Variants in CNTNAP5 observed in about 807,000 individuals in gnomAD.
CNTNAP5 encodes contactin-associated protein-like 5.
In CNTNAP5, 72 loss-of-function variants were observed where a neutral mutation model predicts 150.2. The observed-to-expected ratio is 0.48, with a 90% CI of 0.40 to 0.58. The LOEUF (loss-of-function observed/expected upper bound fraction) is 0.58, where lower values mean the gene tolerates loss of function less well. Among genes scored for constraint, CNTNAP5 ranks in the 20% least tolerant of loss-of-function variants. CNTNAP5 has a pLI of 0.00. For synonymous variants in CNTNAP5, 672 were observed against 619.8 expected, an observed-to-expected ratio of 1.08 and a Z score of -1.25; for missense variants, 1,636 against 1,626.2, an observed-to-expected ratio of 1.01 and a Z score of -0.10.
At position 124,198,865 on chromosome 2, in the gene CNTNAP5, CTTT is replaced by C. The variant is rs56176605; in HGVS notation, c.83-22828_83-22826del. On this transcript the variant is annotated intron_variant, in intron 1 of 23. Transcript: ENST00000682447. ...TGCCAGATTTCTTGCCACATGATTT[CTTT>C]TTTTTTTTTTTCCATTAACTGTAAA... Among the ~76,000 whole-genome samples the C allele has an allele frequency of 8.3e-3, 1,154 of 139,246 alleles. 15 individuals are homozygous for C. Among genetic ancestry groups the C allele is most frequent in the African/African-American group, 0.028 (1,066 of 37,828 alleles). 91.4% of individuals were successfully genotyped at this position (139,246 alleles called of 152,430 possible). A position where few individuals can be genotyped will look rare whatever the true frequency, so the allele number is the denominator to read the frequency against.
intron 10 of CNTNAP5, among the ~76,000 whole-genome samples, chr2:124,556,494 A>G (rs1327572783): frequency 6.6e-6 from 1 of 152,208 alleles, no homozygotes; most frequent in East Asian, 1.9e-4. Context: ...AGGTTATTGT[A>G]TTTTAAAATA....
In CNTNAP5 at chr2:124,045,756, G is replaced by T. The variant is rs114902324; in HGVS notation, c.82+20024G>T. ...AGTTTTTAGACAATCTCTATTACTG[G>T]CTTTATGTGTTGGGGAAGAAGGTAG... On this transcript the variant is annotated intron_variant, in intron 1 of 23. Transcript: ENST00000682447. Among the ~76,000 whole-genome samples, 371 of 152,044 alleles carry T rather than the reference G, an allele frequency of 2.4e-3. 1 individual carries two copies. The highest frequency in any genetic ancestry group is 8.4e-3 in the African/African-American group (348 of 41,460).
intron 21 of CNTNAP5, among the ~76,000 whole-genome samples, chr2:124,873,780 T>C (rs1677798719): frequency 6.6e-6 from 1 of 152,098 alleles, no homozygotes; most frequent in Admixed American, 6.6e-5. Context: ...TGTAGGACAT[T>C]TCCAACTGTA....
chr2:124,322,386 C>A (rs1261740448), intron 3 of CNTNAP5, among the ~76,000 whole-genome samples: 1 of 152,022 alleles, frequency 6.6e-6, no homozygotes, highest in Admixed American at 6.6e-5. Context: ...AAGTCATTTA[C>A]CACCAAGTGT....
intron 3 of CNTNAP5, among the ~76,000 whole-genome samples, chr2:124,333,169 G>A (rs573059462): frequency 6.6e-6 from 1 of 152,242 alleles, no homozygotes; most frequent in South Asian, 2.1e-4. Context: ...TTGGGAGGCT[G>A]AGGTGGGAGA....
At chr2:124,675,405 A>AT (rs1244177359) in intron 13 of CNTNAP5, among the ~76,000 whole-genome samples, 4 of 152,000 alleles carry the variant, frequency 2.6e-5, no homozygotes, top group Admixed American at 6.6e-5. Flanking sequence ...AATATTCTCC[A>AT]TTTTTTGTAT....
chr2:124,419,152 A>AC lies in CNTNAP5; in HGVS notation c.529+1562_529+1563insC, dbSNP rs1553466537. Among the ~76,000 whole-genome samples, 171 of 121,026 alleles carry AC rather than the reference A, an allele frequency of 1.4e-3. 9 individuals carry two copies. Among genetic ancestry groups the AC allele is most frequent in the Middle Eastern group, 4.6e-3 (1 of 218 alleles). The allele number at this position is 121,026 out of a possible 152,430, so 79.4% of individuals were successfully genotyped here. On this transcript the variant is annotated intron_variant, in intron 4 of 23. Coordinates refer to ENST00000682447, the MANE Select transcript of CNTNAP5 (RefSeq NM_001367498.1). ...CGAGACTCCTTCTCAAAAAAAAAAA[A>AC]AAAAAAAAAAACAGTATGAAGCTTT...
At position 124,282,994 on chromosome 2, in the gene CNTNAP5, CTT is replaced by C. The variant is rs61480383; in HGVS notation, c.381+40616_381+40617del. On this transcript the variant is annotated intron_variant, in intron 3 of 23. Coordinates refer to ENST00000682447, the MANE Select transcript of CNTNAP5 (RefSeq NM_001367498.1). ...GGCCTCCAATTAGATGTCCATTGCT[CTT>C]TTTTTTTTTTTTTTGACCTACTTTC... Among the ~76,000 whole-genome samples the C allele has an allele frequency of 2.9e-3, 402 of 140,304 alleles. 2 individuals are homozygous for C. The highest frequency in any genetic ancestry group is 7.2e-3 in the African/African-American group (279 of 38,716). The allele number at this position is 140,304 out of a possible 152,430, so 92.0% of individuals were successfully genotyped here. A position where few individuals can be genotyped will look rare whatever the true frequency, so the allele number is the denominator to read the frequency against.
chr2:124,356,576 C>A (rs191585378), intron 3 of CNTNAP5, among the ~76,000 whole-genome samples: 2 of 150,948 alleles, frequency 1.3e-5, no homozygotes, highest in Non-Finnish European at 2.9e-5. Context: ...TTTGTTCTTG[C>A]GATAGTTTAC....
intron 8 of CNTNAP5, among the ~76,000 whole-genome samples, chr2:124,519,292 C>CTAT (rs1254833057): frequency 1.1e-4 from 17 of 151,920 alleles, no homozygotes; most frequent in African/African-American, 3.9e-4. Flanking sequence ...AACTCTGAAT[C>CTAT]TATTAAAAAC....
chr2:124,646,158 C>G (rs564370074), intron 12 of CNTNAP5, among the ~76,000 whole-genome samples: 3 of 152,274 alleles, frequency 2.0e-5, no homozygotes, highest in Non-Finnish European at 1.5e-5. Context: ...AAATCATACT[C>G]TCTTTTTCTC....
rs60439622 is a variant in CNTNAP5 at position 124,235,940 on chromosome 2, CTTATTTATTTAT to C, written c.188-6228_188-6217del. Among the ~76,000 whole-genome samples the C allele has an allele frequency of 4.1e-3, 597 of 145,076 alleles. 3 individuals carry two copies. Among genetic ancestry groups the C allele is most frequent in the African/African-American group, 0.012 (461 of 38,120 alleles). On this transcript the variant is annotated intron_variant, in intron 2 of 23. Coordinates refer to ENST00000682447, the MANE Select transcript of CNTNAP5 (RefSeq NM_001367498.1). ...TGCATGGTGTGTTGGCAAGTTCCCA[CTTATTTATTTAT>C]TTATTTATTTATTTATTTATTTATT...
At chr2:124,876,953 C>G (rs1024940078) in intron 21 of CNTNAP5, among the ~76,000 whole-genome samples, 1 of 152,076 alleles carries the variant, frequency 6.6e-6, no homozygotes, top group Non-Finnish European at 1.5e-5. Flanking sequence ...ATCCTAACTT[C>G]CCAAACACGC....
intron 19 of CNTNAP5, among the ~76,000 whole-genome samples, chr2:124,821,700 C>T (rs1294336447): frequency 1.3e-5 from 2 of 152,160 alleles, no homozygotes; most frequent in South Asian, 2.1e-4. Context: ...GAGGCTATAG[C>T]AGCCCCACAG....
chr2:124,188,651 A>G (rs35630560), intron 1 of CNTNAP5, among the ~76,000 whole-genome samples: 30,356 of 146,076 alleles, frequency 0.21, 3,257 homozygotes, highest in African/African-American at 0.24. Context: ...CCCAGGAGGC[A>G]GAGCTTGCAG....
intron 3 of CNTNAP5, among the ~76,000 whole-genome samples, chr2:124,363,923 C>T (rs1199601953): frequency 6.6e-6 from 1 of 152,218 alleles, no homozygotes; most frequent in African/African-American, 2.4e-5. Flanking sequence ...GTGTCCCCTG[C>T]TCCAAGCCAG....
intron 13 of CNTNAP5, among the ~76,000 whole-genome samples, chr2:124,740,107 T>C (rs1680467048): frequency 6.7e-6 from 1 of 149,520 alleles, no homozygotes; most frequent in Admixed American, 6.7e-5. Flanking sequence ...TATATATAAA[T>C]TAGTAATTTT....
rs780426988 is a variant in CNTNAP5 at position 124,747,353 on chromosome 2, C to T, written c.2202C>T (p.His734=). 5 of 1,613,774 alleles carry T rather than the reference C, an allele frequency of 3.1e-6. No individual in the cohort carries two copies. Among genetic ancestry groups the T allele is most frequent in the Non-Finnish European group, 4.2e-6 (5 of 1,179,774 alleles). Residue 734 remains histidine, a synonymous_variant, in exon 14 of 24, where the codon CAC becomes CAT. Transcript: ENST00000682447. ...ACGAGAGCTGCCTGGACATTCAGCA[C>T]TTTTGCAATTGCGACGCTGACAAGG... The part of the protein sequence containing the change: ...GLDESCLDIQ[H]FCNCDADKDE...
intron 3 of CNTNAP5, among the ~76,000 whole-genome samples, chr2:124,255,377 A>G (rs1687281651): frequency 6.6e-6 from 1 of 152,060 alleles, no homozygotes; most frequent in African/African-American, 2.4e-5. Context: ...ACAAAAATTT[A>G]GCCGGGTGTG....
Sources: gnomAD v4.1 joint callset for allele counts (sites outside exome capture counted in the v4.1 genomes callset) on GRCh38, gnomAD v4.1.1 for gene constraint, MANE v1.5 for transcripts, NCBI Gene and HGNC (gene_info 2026-07-23, HGNC 2026-07-21) for gene names.